PRH1: variants seen among roughly 807,000 people sequenced by gnomAD.
PRH1 encodes the protein salivary acidic proline-rich phosphoprotein 1/2.
A neutral mutation model predicts 7.9 loss-of-function variants in PRH1; 7 were observed. That is an observed-to-expected ratio of 0.89 (90% CI 0.50 to 1.67). The LOEUF (loss-of-function observed/expected upper bound fraction) is 1.67, where lower values mean the gene tolerates loss of function less well. PRH1 is among the 40% of genes most tolerant of loss of function. PRH1 has a pLI of 0.00. For missense variants in PRH1, 109 were observed against 223.6 expected (o/e 0.49, Z 3.27); for synonymous variants, 45 against 80.8 (o/e 0.56, Z 2.38).
intron 1 of PRH1, among the ~76,000 whole-genome samples, chr12:11,071,426 T>C (rs1944063739): frequency 6.6e-6 from 1 of 152,208 alleles, no homozygotes; most frequent in African/African-American, 2.4e-5. Context: ...AGTTTTTGCA[T>C]AACTTCAGAT....
intron 1 of PRH1, chr12:10,997,790 A>C: frequency 6.2e-7 from 1 of 1,613,756 alleles, no homozygotes. Context: ...GAAATTTATC[A>C]GTGCTATAAA....
chr12:11,143,850 A>T (rs1490474919), intron 1 of PRH1, among the ~76,000 whole-genome samples: 1 of 152,214 alleles, frequency 6.6e-6, no homozygotes, highest in Non-Finnish European at 1.5e-5. Flanking sequence ...TAGAGCAAAT[A>T]CTGTAATAGA....
chr12:10,908,503 A>G, intron 2 of PRH1: 1 of 1,613,966 alleles, frequency 6.2e-7, no homozygotes, highest in Non-Finnish European at 8.5e-7. Context: ...ATCGTCTCAC[A>G]AAGCATGTAG....
rs1261521325 is a variant in PRH1 at position 11,093,113 on chromosome 12, T to C, written n.124-45925A>G. ...CCTTGTGTAAACTCTCCATCATTTA[T>C]CTTTAGTGACTTCAGTTGTTAGGGA... On this transcript the variant is annotated intron_variant and non_coding_transcript_variant, in intron 1 of 4. Coordinates refer to the PRH1 transcript ENST00000541977. 7.7e-5 allele frequency among the ~76,000 whole-genome samples: 9 copies of C among 116,586 alleles called. 3 individuals carry two copies. Among genetic ancestry groups the C allele is most frequent in the Non-Finnish European group, 1.6e-4 (8 of 49,326 alleles). The allele number at this position is 116,586 out of a possible 152,430, so 76.5% of individuals were successfully genotyped here.
At chr12:11,103,284 C>A (rs1000533546) in intron 1 of PRH1, among the ~76,000 whole-genome samples, 3 of 152,058 alleles carry the variant, frequency 2.0e-5, no homozygotes, top group Non-Finnish European at 2.9e-5. Context: ...GACTTGGAAC[C>A]AACCCAAATG....
At chr12:11,135,209 C>A (rs887791749) in intron 1 of PRH1, among the ~76,000 whole-genome samples, 49 of 152,082 alleles carry the variant, frequency 3.2e-4, no homozygotes, top group Non-Finnish European at 7.1e-4. Context: ...AGTATCCTCC[C>A]ATCACACGAA....
chr12:11,068,165 C>T (rs1304987341), intron 1 of PRH1, among the ~76,000 whole-genome samples: 1 of 152,150 alleles, frequency 6.6e-6, no homozygotes, highest in Non-Finnish European at 1.5e-5. Flanking sequence ...GTAATCCAGA[C>T]ACTCCCAATA....
chr12:11,110,911 T>G (rs1368235082), intron 1 of PRH1, among the ~76,000 whole-genome samples: 1 of 152,118 alleles, frequency 6.6e-6, no homozygotes, highest in East Asian at 1.9e-4. Context: ...GAAACCCATC[T>G]CATGTGCAAA....
chr12:11,071,243 C>A (rs1371545370), intron 1 of PRH1, among the ~76,000 whole-genome samples: 1 of 151,544 alleles, frequency 6.6e-6, no homozygotes, highest in Non-Finnish European at 1.5e-5. Context: ...CTAGGAATTA[C>A]CTAAGGACTT....
At chr12:10,963,050 G>T (rs768651683) in intron 2 of PRH1, among the ~76,000 whole-genome samples, 1 of 152,174 alleles carries the variant, frequency 6.6e-6, no homozygotes, top group Non-Finnish European at 1.5e-5. Flanking sequence ...GATTATAGGC[G>T]TGAGCCACCG....
intron 1 of PRH1, among the ~76,000 whole-genome samples, chr12:11,112,525 T>C (rs554211971): frequency 6.6e-6 from 1 of 151,826 alleles, no homozygotes; most frequent in South Asian, 2.1e-4. Flanking sequence ...ACATAATCCA[T>C]CACATAAACA....
chr12:11,164,197 G>A (rs1447214360), intron 1 of PRH1, among the ~76,000 whole-genome samples: 1 of 152,182 alleles, frequency 6.6e-6, no homozygotes. Flanking sequence ...TCTGTAGACC[G>A]AGTAAAGATC....
chr12:11,167,404 C>T (rs1056265940), intron 1 of PRH1, among the ~76,000 whole-genome samples: 4 of 61,070 alleles, frequency 6.5e-5, no homozygotes, highest in African/African-American at 1.3e-4. Flanking sequence ...AGTTCTGCCA[C>T]AGATGAAACA....
chr12:11,125,669 T>A (rs1436308574), intron 1 of PRH1, among the ~76,000 whole-genome samples: 1 of 151,880 alleles, frequency 6.6e-6, no homozygotes, highest in East Asian at 1.9e-4. Flanking sequence ...CATTTAGGGA[T>A]AAATTTAGAA....
At chr12:10,948,588 T>A (rs933369247) in intron 2 of PRH1, among the ~76,000 whole-genome samples, 9 of 152,238 alleles carry the variant, frequency 5.9e-5, no homozygotes, top group Non-Finnish European at 1.3e-4. Flanking sequence ...CAAATCTCAA[T>A]AATCTTTGTT....
At chr12:11,107,098 C>T (rs1387363761) in intron 1 of PRH1, among the ~76,000 whole-genome samples, 1 of 152,116 alleles carries the variant, frequency 6.6e-6, no homozygotes, top group East Asian at 1.9e-4. Flanking sequence ...CAGTCTCAAA[C>T]ATTTGTGTCC....
At chr12:11,045,317 CAA>C (rs34515459) in intron 1 of PRH1, among the ~76,000 whole-genome samples, 1 of 138,764 alleles carries the variant, frequency 7.2e-6, no homozygotes, top group East Asian at 2.1e-4. Context: ...TAATGGTTAC[CAA>C]AAAAAAAAAA....
At chr12:10,911,905 T>C (rs544311790) in intron 2 of PRH1, among the ~76,000 whole-genome samples, 15 of 152,258 alleles carry the variant, frequency 9.9e-5, no homozygotes, top group African/African-American at 3.4e-4. Context: ...CTATCTTCAT[T>C]CCAGAAGTAA....
chr12:11,121,132 C>A (rs934680264), exon 2 of PRH1: 2 of 152,956 alleles, frequency 1.3e-5, no homozygotes, highest in Admixed American at 1.3e-4. Context: ...AAAGCTGGCA[C>A]CTTCTTGTCA....
Sources: gnomAD v4.1 joint callset for allele counts (sites outside exome capture counted in the v4.1 genomes callset) on GRCh38, gnomAD v4.1.1 for gene constraint, MANE v1.5 for transcripts, NCBI Gene and HGNC (gene_info 2026-07-23, HGNC 2026-07-21) for gene names.